LIMS1: variants seen among roughly 807,000 people sequenced by gnomAD.
LIMS1 encodes the protein LIM zinc finger domain containing 1.
LIMS1 carries 18 observed loss-of-function variants against 44.1 expected under a neutral mutation model. The observed-to-expected ratio is 0.41, with a 90% confidence interval of 0.28 to 0.61. LIMS1 has a LOEUF of 0.61. Among genes scored for constraint, LIMS1 ranks in the 20% least tolerant of loss-of-function variants. LIMS1 has a pLI of 0.32. For missense variants in LIMS1, 201 were observed against 422.0 expected, an observed-to-expected ratio of 0.48 and a Z score of 4.59; for synonymous variants, 93 against 149.1, an observed-to-expected ratio of 0.62 and a Z score of 2.74.
intron 2 of LIMS1, chr2:108,662,577 A>T: frequency 8.7e-7 from 1 of 1,154,606 alleles, no homozygotes; most frequent in South Asian, 1.9e-5. Context: ...CAGCCCAGGG[A>T]TGTGTAAACC....
intron 1 of LIMS1, chr2:108,654,944 G>A (rs1244203655): frequency 2.6e-6 from 4 of 1,515,234 alleles, no homozygotes; most frequent in East Asian, 2.4e-5. Flanking sequence ...TGACCCTGGC[G>A]GGCCAGGCTG....
intron 7 of LIMS1, among the ~76,000 whole-genome samples, 163 bp from the exon 8 acceptor site, chr2:108,677,816 T>A (rs973958874): frequency 6.6e-6 from 1 of 152,266 alleles, no homozygotes; most frequent in Admixed American, 6.5e-5. Flanking sequence ...TTGATGAGAG[T>A]GAATTACTTT....
At chr2:108,607,198 G>C (rs1687316764) in intron 1 of LIMS1, 2 of 1,550,710 alleles carry the variant, frequency 1.3e-6, no homozygotes, top group African/African-American at 2.7e-5. Context: ...TGAGCATGGA[G>C]AGCTTAGCTT....
chr2:108,607,348 C>A, intron 1 of LIMS1: 1 of 1,205,768 alleles, frequency 8.3e-7, no homozygotes, highest in Non-Finnish European at 1.2e-6. Context: ...GTATCTTCAT[C>A]ACATAAATAG....
chr2:108,662,786 G>T, intron 2 of LIMS1: 1 of 887,994 alleles, frequency 1.1e-6, no homozygotes. Context: ...TATAATAAAT[G>T]CATCTTCGCC....
intron 1 of LIMS1, among the ~76,000 whole-genome samples, chr2:108,582,494 C>T (rs1391729068): frequency 2.0e-5 from 3 of 152,132 alleles, no homozygotes; most frequent in Non-Finnish European, 4.4e-5. Context: ...ATCGGCTGGG[C>T]GCAGTGGCTC....
At chr2:108,676,624 T>C in exon 7 of LIMS1, 1 of 1,562,476 alleles carries the variant, frequency 6.4e-7, no homozygotes. Flanking sequence ...TTGTGCCAAG[T>C]GTGAGAAACC....
At chr2:108,550,047 A>G (rs985116657) in intron 1 of LIMS1, among the ~76,000 whole-genome samples, 10 of 152,154 alleles carry the variant, frequency 6.6e-5, no homozygotes, top group African/African-American at 2.2e-4. Context: ...GTGAAATTAT[A>G]TAATATTTAT....
chr2:108,548,252 G>T (rs1219465442), intron 1 of LIMS1, among the ~76,000 whole-genome samples: 1 of 151,644 alleles, frequency 6.6e-6, no homozygotes. Context: ...GGGTGTAAGG[G>T]TAATTGCTGA....
chr2:108,533,750 ATG>A (rs1684002222), upstream of LIMS1: 1 of 152,488 alleles, frequency 6.6e-6, no homozygotes, highest in Non-Finnish European at 1.5e-5. Context: ...GGTGAAGAAA[ATG>A]AGAGCTAGCA....
At chr2:108,602,833 A>G (rs796301661) in intron 1 of LIMS1, among the ~76,000 whole-genome samples, 14 of 152,256 alleles carry the variant, frequency 9.2e-5, no homozygotes, top group African/African-American at 3.4e-4. Flanking sequence ...TAGTGCAATC[A>G]TGGTTCACTG....
chr2:108,560,215 TC>T lies in LIMS1; in HGVS notation c.32+25622del, dbSNP rs552308839. ...CCTAACGAGTTTCCCTCACTGCCCC[TC>T]GCCAGCTCCAGTCTATTCTTAACAC... On this transcript the variant is annotated intron_variant, in intron 1 of 9. Coordinates refer to ENST00000544547, the Ensembl canonical transcript of LIMS1. Among the ~76,000 whole-genome samples the T allele has an allele frequency of 4.8e-3, 737 of 152,286 alleles. 8 individuals carry two copies. Among genetic ancestry groups the T allele is most frequent in the Middle Eastern group, 0.017 (5 of 294 alleles).
intron 1 of LIMS1, among the ~76,000 whole-genome samples, chr2:108,558,883 C>G (rs924947246): frequency 6.6e-6 from 1 of 151,848 alleles, no homozygotes; most frequent in Non-Finnish European, 1.5e-5. Flanking sequence ...GTTGGCCAGG[C>G]TGGTCCCAAA....
chr2:108,587,029 G>T (rs542358896), intron 1 of LIMS1, among the ~76,000 whole-genome samples: 1 of 152,308 alleles, frequency 6.6e-6, no homozygotes, highest in East Asian at 1.9e-4. Flanking sequence ...AGCTGGGACC[G>T]TTGGATTTCA....
chr2:108,600,752 CA>C (rs1285734385), intron 1 of LIMS1, among the ~76,000 whole-genome samples: 2 of 152,080 alleles, frequency 1.3e-5, no homozygotes, highest in Non-Finnish European at 2.9e-5. Context: ...ATGCCAATAC[CA>C]TGCTGTTTTG....
intron 1 of LIMS1, among the ~76,000 whole-genome samples, chr2:108,616,125 T>C (rs1163129543): frequency 1.3e-5 from 2 of 151,870 alleles, no homozygotes; most frequent in Non-Finnish European, 2.9e-5. Flanking sequence ...AATTGAAGAC[T>C]GTTGATGGCC....
Position 108,615,809 on chromosome 2 carries a change from G to A in LIMS1, c.33-43796G>A, listed in dbSNP as rs147035744. On this transcript the variant is annotated intron_variant, in intron 1 of 9. Coordinates refer to ENST00000544547, the Ensembl canonical transcript of LIMS1. ...AATGTTAGCCTGCAGAGAAGACCAT[G>A]GAGGTCACCTAATTCAGCCACTTCT... Among the ~76,000 whole-genome samples, 3 of 152,310 alleles carry A rather than the reference G, an allele frequency of 2.0e-5. No homozygotes were observed. In the East Asian group the frequency reaches 5.8e-4, roughly 29 times the overall value.
intron 1 of LIMS1, among the ~76,000 whole-genome samples, chr2:108,649,869 T>C (rs1431519769): frequency 2.0e-5 from 3 of 152,156 alleles, no homozygotes; most frequent in Non-Finnish European, 2.9e-5. Context: ...CTAATGTAGA[T>C]GACAGGTTGA....
intron 1 of LIMS1, among the ~76,000 whole-genome samples, chr2:108,646,773 T>A (rs1690092743): frequency 6.6e-6 from 1 of 152,144 alleles, no homozygotes; most frequent in African/African-American, 2.4e-5. Context: ...TGGTGCGATC[T>A]CGGCTCACTG....
Sources: gnomAD v4.1 joint callset for allele counts (sites outside exome capture counted in the v4.1 genomes callset) on GRCh38, gnomAD v4.1.1 for gene constraint, MANE v1.5 for transcripts, NCBI Gene and HGNC (gene_info 2026-07-23, HGNC 2026-07-21) for gene names.